Variants in SPATA13 observed in about 807,000 individuals in gnomAD.
SPATA13 encodes the protein spermatogenesis associated 13, also known as spermatogenesis-associated protein 13.
A neutral mutation model predicts 104.0 loss-of-function variants in SPATA13; 50 were observed. The observed-to-expected ratio is 0.48, with a 90% CI of 0.38 to 0.61. The LOEUF is 0.61. Among genes scored for constraint, SPATA13 ranks in the 20% least tolerant of loss-of-function variants. SPATA13 has a pLI of 0.00. For synonymous variants in SPATA13, 606 were observed against 667.5 expected (o/e 0.91, Z 1.42); for missense variants, 1,524 against 1,690.6 (o/e 0.90, Z 1.73).
chr13:24,265,253 G>T (rs370732242), intron 4 of SPATA13, among the ~76,000 whole-genome samples: 2 of 152,198 alleles, frequency 1.3e-5, no homozygotes, highest in South Asian at 4.1e-4. Flanking sequence ...ACAGGAGTCG[G>T]CCTGCTGAGG....
chr13:24,149,793 A>C (rs9507260), intron 3 of SPATA13, among the ~76,000 whole-genome samples: 39 of 152,016 alleles, frequency 2.6e-4, no homozygotes, highest in Non-Finnish European at 5.0e-4. Flanking sequence ...AGGTTGTCAC[A>C]GGCCTTGCAT....
At chr13:24,054,570 G>A (rs1878473045) in intron 3 of SPATA13, among the ~76,000 whole-genome samples, 1 of 152,144 alleles carries the variant, frequency 6.6e-6, no homozygotes, top group South Asian at 2.1e-4. Flanking sequence ...TTGACATGTA[G>A]CAGCAATTCA....
At chr13:24,024,898 A>G (rs945265748) in intron 3 of SPATA13, among the ~76,000 whole-genome samples, 7 of 150,630 alleles carry the variant, frequency 4.6e-5, no homozygotes, top group Non-Finnish European at 8.9e-5. Context: ...CCATTTCTCT[A>G]AAAATTGTTT....
chr13:24,124,089 G>C (rs1016059488), intron 3 of SPATA13, among the ~76,000 whole-genome samples: 2 of 152,108 alleles, frequency 1.3e-5, no homozygotes, highest in African/African-American at 4.8e-5. Context: ...ATCGTCACCA[G>C]CTTCCTCTAA....
intron 3 of SPATA13, among the ~76,000 whole-genome samples, chr13:24,049,211 A>G (rs564033094): frequency 1.3e-5 from 2 of 152,358 alleles, no homozygotes; most frequent in African/African-American, 2.4e-5. Flanking sequence ...CGTTGTGCCC[A>G]GCATGACAAC....
intron 3 of SPATA13, among the ~76,000 whole-genome samples, chr13:24,149,942 G>A (rs570114504): frequency 7.9e-5 from 12 of 152,206 alleles, no homozygotes; most frequent in Admixed American, 2.6e-4. Flanking sequence ...TCCAGGGGCT[G>A]TCGGGGAGGG....
At chr13:24,215,230 A>G (rs1347609782) in intron 1 of SPATA13, among the ~76,000 whole-genome samples, 1 of 152,224 alleles carries the variant, frequency 6.6e-6, no homozygotes, top group East Asian at 1.9e-4. Context: ...GTCCTAAATG[A>G]GGAGATGTGT....
At chr13:24,169,953 A>G (rs1882901243) in intron 1 of SPATA13, among the ~76,000 whole-genome samples, 1 of 151,932 alleles carries the variant, frequency 6.6e-6, no homozygotes, top group African/African-American at 2.4e-5. Flanking sequence ...GAAAGCAAGA[A>G]CTCTCCCTGC....
chr13:24,066,432 C>T (rs888022982), intron 3 of SPATA13, among the ~76,000 whole-genome samples: 1 of 152,190 alleles, frequency 6.6e-6, no homozygotes, highest in East Asian at 1.9e-4. Context: ...GTGAGACTCC[C>T]AGAGCTTGCA....
At chr13:24,203,150 G>A (rs1870519614) in intron 1 of SPATA13, among the ~76,000 whole-genome samples, 2 of 151,666 alleles carry the variant, frequency 1.3e-5, no homozygotes, top group Admixed American at 6.6e-5. Context: ...CTCCCCACAG[G>A]CCCCAGTGTG....
At chr13:24,125,671 G>T (rs1200977226) in intron 3 of SPATA13, among the ~76,000 whole-genome samples, 1 of 152,116 alleles carries the variant, frequency 6.6e-6, no homozygotes, top group Non-Finnish European at 1.5e-5. Context: ...TCAAGGGATG[G>T]ACGTTTTTGT....
At chr13:24,140,422 T>C (rs1264349561) in intron 3 of SPATA13, among the ~76,000 whole-genome samples, 1 of 152,228 alleles carries the variant, frequency 6.6e-6, no homozygotes. Context: ...TAGTAATTCA[T>C]CTATAGAGTT....
At chr13:24,101,408 T>C (rs1880253992) in intron 3 of SPATA13, among the ~76,000 whole-genome samples, 1 of 152,224 alleles carries the variant, frequency 6.6e-6, no homozygotes, top group Non-Finnish European at 1.5e-5. Context: ...TGCTTATTTG[T>C]CATCCAGCTT....
rs150501959 is a variant in SPATA13, at chr13:24,238,882, T to A, written c.1654-10595T>A. ...AGCAGAACACATTAGATTCTTGTAT[T>A]CCTCAGTGAAAATAAAAAAGAAGCA... On this transcript the variant is annotated intron_variant, in intron 2 of 12. Transcript: ENST00000382108. Among the ~76,000 whole-genome samples, 5 of 152,328 alleles carry A rather than the reference T, an allele frequency of 3.3e-5. No homozygotes were observed. In the East Asian group the frequency reaches 9.6e-4, roughly 29 times the overall value.
intron 3 of SPATA13, among the ~76,000 whole-genome samples, chr13:24,124,352 C>T (rs1881140864): frequency 6.6e-6 from 1 of 152,180 alleles, no homozygotes; most frequent in African/African-American, 2.4e-5. Context: ...AAGTTACAGA[C>T]TCCCAGGGAG....
chr13:23,997,042 T>A (rs940063211), intron 2 of SPATA13, among the ~76,000 whole-genome samples: 1 of 152,226 alleles, frequency 6.6e-6, no homozygotes. Flanking sequence ...AATAATGGAA[T>A]AACAAGTTTT....
At chr13:24,038,552 G>T (rs966814227) in intron 3 of SPATA13, among the ~76,000 whole-genome samples, 1 of 152,148 alleles carries the variant, frequency 6.6e-6, no homozygotes, top group Non-Finnish European at 1.5e-5. Context: ...ATCCAACTCA[G>T]GGTCAGCAGA....
intron 3 of SPATA13, among the ~76,000 whole-genome samples, chr13:24,150,935 G>C (rs1436124877): frequency 3.3e-5 from 5 of 152,124 alleles, no homozygotes. Context: ...CTGTTTGACT[G>C]GGCGCCATGG....
chr13:24,116,768 A>T, intron 3 of SPATA13, among the ~76,000 whole-genome samples: 1 of 129,576 alleles, frequency 7.7e-6, no homozygotes, highest in East Asian at 2.4e-4. Flanking sequence ...AAGCCCTACC[A>T]GCCCCCCCCC....
Sources: allele counts gnomAD v4.1 joint callset (sites outside exome capture counted in the v4.1 genomes callset), GRCh38; gene constraint gnomAD v4.1.1; transcripts MANE v1.5; gene names NCBI Gene and HGNC (gene_info 2026-07-23, HGNC 2026-07-21).